MARCHF1: variants seen among roughly 807,000 people sequenced by gnomAD.
The protein encoded by MARCHF1 is E3 ubiquitin-protein ligase MARCHF1.
A neutral mutation model predicts 54.2 loss-of-function variants in MARCHF1; 40 were observed. The ratio of observed to expected loss-of-function variants is 0.74; its 90% CI spans 0.57 to 0.96. The LOEUF is 0.96. Ranked by LOEUF, MARCHF1 falls within the 40% of genes least tolerant of loss-of-function variation. The pLI is 0.00. For synonymous variants in MARCHF1, 236 were observed against 236.3 expected (o/e 1.00, Z 0.01); for missense variants, 586 against 656.5 (o/e 0.89, Z 1.17).
chr4:163,613,204 CT>C (rs1553997004), intron 6 of MARCHF1, 109 bp downstream of exon 6: 6 of 1,332,610 alleles, frequency 4.5e-6, no homozygotes, highest in Non-Finnish European at 6.1e-6. Context: ...TATAAATTTT[CT>C]ATGGACCATG....
chr4:163,891,748 G>A (rs1359275913), intron 3 of MARCHF1, among the ~76,000 whole-genome samples: 2 of 152,088 alleles, frequency 1.3e-5, no homozygotes, highest in Non-Finnish European at 2.9e-5. Context: ...GCTAAAGCAG[G>A]TTACTGCAGA....
intron 3 of MARCHF1, among the ~76,000 whole-genome samples, chr4:163,866,481 T>TATATATATATATATATAA (rs1167768240): frequency 6.9e-6 from 1 of 145,476 alleles, no homozygotes; most frequent in African/African-American, 2.5e-5. Context: ...TATATATATA[T>TATATATATATATATATAA]AATAGGACTG....
intron 4 of MARCHF1, among the ~76,000 whole-genome samples, chr4:163,836,868 G>A (rs1749202638): frequency 6.6e-6 from 1 of 151,656 alleles, no homozygotes; most frequent in Non-Finnish European, 1.5e-5. Flanking sequence ...AAGCCTCACA[G>A]AGTAACTGGA....
In MARCHF1 at chr4:163,733,203, A is replaced by ACG. The variant is rs1467744167; in HGVS notation, c.112-32341_112-32340insCG. 2.2e-3 allele frequency among the ~76,000 whole-genome samples: 82 copies of ACG among 37,866 alleles called. 4 individuals are homozygous for ACG. Among genetic ancestry groups the ACG allele is most frequent in the African/African-American group, 5.5e-3 (78 of 14,152 alleles). The allele number at this position is 37,866 out of a possible 152,430, so 24.8% of individuals were successfully genotyped here. On this transcript the variant is annotated intron_variant, in intron 4 of 9. Transcript: ENST00000514618. The stretch of plus-strand genomic sequence containing the variant: ...TATATATATATATATATATATATAT[A>ACG]TATATATATATATATATACACGTGT...
Position 163,525,416 on chromosome 4 carries a change from ATCT to A in MARCHF1, c.*3329_*3331del, listed in dbSNP as rs1214532824. 3 of 152,128 alleles carry A rather than the reference ATCT, an allele frequency of 2.0e-5. No homozygotes were observed. The highest frequency in any genetic ancestry group is 4.4e-5 in the Non-Finnish European group (3 of 68,022). 9.4% of individuals were successfully genotyped at this position (152,128 alleles called of 1,614,324 possible). A position where few individuals can be genotyped will look rare whatever the true frequency, so the allele number is the denominator to read the frequency against. On this transcript the variant is annotated 3_prime_UTR_variant, in exon 10 of 10. Coordinates refer to ENST00000514618, the MANE Select transcript of MARCHF1 (RefSeq NM_001394959.1). The stretch of plus-strand genomic sequence containing the variant: ...TGAAAGACTCCTTCAGTCTACACCT[ATCT>A]TCCTTCAGGTTACACATTGCTGTAT...
At chr4:163,564,945 G>A (rs529901152) in intron 8 of MARCHF1, among the ~76,000 whole-genome samples, 1 of 151,984 alleles carries the variant, frequency 6.6e-6, no homozygotes, top group South Asian at 2.1e-4. Flanking sequence ...GAATTTTGAA[G>A]TGACCCCACT....
intron 1 of MARCHF1, among the ~76,000 whole-genome samples, chr4:164,340,405 T>TTTTTTATATATA (rs1327005165): frequency 1.0e-5 from 1 of 95,650 alleles, no homozygotes; most frequent in Non-Finnish European, 2.2e-5. Context: ...AGGCCTTGAT[T>TTTTTTATATATA]TATATATAGA....
intron 4 of MARCHF1, among the ~76,000 whole-genome samples, chr4:163,770,976 G>A (rs1169675626): frequency 8.6e-5 from 13 of 151,950 alleles, no homozygotes; most frequent in African/African-American, 1.2e-4. Flanking sequence ...AATAAGACAG[G>A]CTCTACTTAC....
chr4:163,825,876 G>T (rs1748835565), intron 4 of MARCHF1, among the ~76,000 whole-genome samples: 1 of 151,808 alleles, frequency 6.6e-6, no homozygotes, highest in South Asian at 2.1e-4. Context: ...ATGAAAACAG[G>T]CTTGATGGAG....
At position 163,733,199 on chromosome 4, in the gene MARCHF1, ATATATATATATATATATATATACACGTG is replaced by A. The variant is rs1429376312; in HGVS notation, c.112-32364_112-32337del. 4.7e-3 allele frequency among the ~76,000 whole-genome samples: 186 copies of A among 39,848 alleles called. 4 individuals are homozygous for A. Among genetic ancestry groups the A allele is most frequent in the South Asian group, 9.9e-3 (9 of 908 alleles). 26.1% of individuals were successfully genotyped at this position (39,848 alleles called of 152,430 possible). A position where few individuals can be genotyped will look rare whatever the true frequency, so the allele number is the denominator to read the frequency against. On this transcript the variant is annotated intron_variant, in intron 4 of 9. Transcript: ENST00000514618. ...TGTGTATATATATATATATATATAT[ATATATATATATATATATATATACACGTG>A]TATATATATATATACACGTGTATAT...
At chr4:164,186,339 T>TA (rs1218141315) in intron 1 of MARCHF1, among the ~76,000 whole-genome samples, 2 of 152,222 alleles carry the variant, frequency 1.3e-5, no homozygotes, top group Non-Finnish European at 2.9e-5. Context: ...CTCTCTTTTT[T>TA]AAAAAACCTG....
chr4:163,833,505 T>A (rs1274027429), intron 4 of MARCHF1, among the ~76,000 whole-genome samples: 1 of 151,660 alleles, frequency 6.6e-6, no homozygotes, highest in African/African-American at 2.4e-5. Context: ...TACAATGAAC[T>A]CAAACAAATT....
chr4:163,708,104 T>A (rs1470786125), intron 4 of MARCHF1, among the ~76,000 whole-genome samples: 4 of 151,704 alleles, frequency 2.6e-5, no homozygotes, highest in Non-Finnish European at 5.9e-5. Context: ...AATCCCCCCC[T>A]GTAGCAGCAG....
In MARCHF1 at chr4:163,572,211, C is replaced by G. The variant is rs373523384; in HGVS notation, c.1191+13538G>C. Among the ~76,000 whole-genome samples the G allele has an allele frequency of 2.4e-4, 36 of 152,098 alleles. No individual in the cohort carries two copies. The East Asian group carries it at 3.5e-3, about 15-fold the overall frequency. On this transcript the variant is annotated intron_variant, in intron 8 of 9. Transcript: ENST00000514618. ...TTGGACTCCCCTTCTTATTCAGCAT[C>G]CTATCCTTCATCACTTAAGCTACTG...
rs150027411 is a variant in MARCHF1 at position 163,840,159 on chromosome 4, A to G, written c.111+13862T>C. ...AAAAACATGACATCACAATTGATAC[A>G]GAAGTGAAATAAATTATGCCTTTTA... On this transcript the variant is annotated intron_variant, in intron 4 of 9. Transcript: ENST00000514618. Among the ~76,000 whole-genome samples the G allele has an allele frequency of 2.2e-3, 328 of 152,274 alleles. 1 individual carries two copies. Among genetic ancestry groups the G allele is most frequent in the Non-Finnish European group, 3.6e-3 (247 of 67,980 alleles).
At chr4:163,597,116 C>T (rs1560964507) in intron 7 of MARCHF1, among the ~76,000 whole-genome samples, 1 of 152,040 alleles carries the variant, frequency 6.6e-6, no homozygotes, top group Non-Finnish European at 1.5e-5. Context: ...CTACCACGCC[C>T]GACTAATTTT....
At chr4:163,944,242 A>C (rs1045798365) in intron 3 of MARCHF1, among the ~76,000 whole-genome samples, 16 of 150,464 alleles carry the variant, frequency 1.1e-4, no homozygotes, top group African/African-American at 3.9e-4. Flanking sequence ...TCAGCCTCCC[A>C]AAGTGCTGGG....
chr4:164,004,704 C>G (rs560803088), intron 2 of MARCHF1, among the ~76,000 whole-genome samples: 2 of 151,604 alleles, frequency 1.3e-5, no homozygotes, highest in Admixed American at 6.6e-5. Flanking sequence ...GAAAAATCAC[C>G]CCCCCCAACT....
intron 3 of MARCHF1, among the ~76,000 whole-genome samples, chr4:163,888,787 A>G (rs892985647): frequency 6.6e-6 from 1 of 152,140 alleles, no homozygotes; most frequent in Non-Finnish European, 1.5e-5. Flanking sequence ...GTTGGCAGCC[A>G]GAGGTCCTCT....
Sources: allele counts gnomAD v4.1 joint callset (sites outside exome capture counted in the v4.1 genomes callset), GRCh38; gene constraint gnomAD v4.1.1; transcripts MANE v1.5; gene names NCBI Gene and HGNC (gene_info 2026-07-23, HGNC 2026-07-21).